CLYBL: variants seen among roughly 807,000 people sequenced by gnomAD.
CLYBL encodes the protein citramalyl-CoA lyase, also known as citramalyl-CoA lyase, mitochondrial.
Under a neutral mutation model 38.9 loss-of-function variants are expected in CLYBL, and 31 were observed. The observed-to-expected ratio is 0.80, with a 90% CI of 0.60 to 1.08. The LOEUF (loss-of-function observed/expected upper bound fraction) is 1.08. CLYBL is among the 50% of genes least tolerant of loss of function. The probability of loss-of-function intolerance (pLI) is 0.00; values close to 1 mark genes in which losing one functional copy is unlikely to be tolerated. For synonymous variants in CLYBL, 171 were observed against 158.6 expected (o/e 1.08, Z -0.59); for missense variants, 434 against 411.6 (o/e 1.05, Z -0.47).
chr13:99,754,087 CAAAAAAAAAAAAAA>C (rs71121003), intron 1 of CLYBL, among the ~76,000 whole-genome samples: 771 of 45,436 alleles, frequency 0.017, 17 homozygotes, highest in African/African-American at 0.06. Flanking sequence ...AACTCGGTCT[CAAAAAAAAAAAAAA>C]AAAAAAAAAA....
chr13:99,613,903 A>G (rs1461348911), intron 1 of CLYBL, among the ~76,000 whole-genome samples: 1 of 152,200 alleles, frequency 6.6e-6, no homozygotes, highest in Non-Finnish European at 1.5e-5. Flanking sequence ...TTGGATTGTG[A>G]GGCAGAAAGT....
intron 1 of CLYBL, among the ~76,000 whole-genome samples, chr13:99,747,562 C>T (rs560672994): frequency 3.1e-4 from 47 of 152,246 alleles, no homozygotes; most frequent in Non-Finnish European, 5.9e-4. Flanking sequence ...GGGAGACAAA[C>T]GGGGCTCTCT....
chr13:99,653,382 A>G (rs2047283193), intron 1 of CLYBL, among the ~76,000 whole-genome samples: 1 of 152,148 alleles, frequency 6.6e-6, no homozygotes, highest in Non-Finnish European at 1.5e-5. Context: ...GCCAAAAAAA[A>G]AAAAGTCCTG....
intron 2 of CLYBL, among the ~76,000 whole-genome samples, chr13:99,832,991 TATACATAC>T (rs71121014): frequency 8.7e-5 from 6 of 69,220 alleles, no homozygotes; most frequent in South Asian, 5.7e-4. Context: ...TTAAGTAGTA[TATACATAC>T]ATACATACAT....
chr13:99,868,694 A>G (rs2051812092), intron 6 of CLYBL, among the ~76,000 whole-genome samples: 1 of 152,190 alleles, frequency 6.6e-6, no homozygotes, highest in Non-Finnish European at 1.5e-5. Flanking sequence ...AAATCAATGC[A>G]TTGGCTGTAT....
intron 1 of CLYBL, among the ~76,000 whole-genome samples, chr13:99,743,895 C>T (rs1213399016): frequency 3.3e-5 from 5 of 150,178 alleles, no homozygotes; most frequent in East Asian, 2.0e-4. Context: ...AGCGGTATTG[C>T]GGGGACTCGG....
intron 1 of CLYBL, among the ~76,000 whole-genome samples, chr13:99,654,791 G>A (rs933957969): frequency 6.6e-6 from 1 of 152,136 alleles, no homozygotes; most frequent in African/African-American, 2.4e-5. Flanking sequence ...TGATCACGAG[G>A]TCAGGAGATC....
chr13:99,859,679 C>T (rs1011093526), intron 3 of CLYBL, among the ~76,000 whole-genome samples: 1 of 152,116 alleles, frequency 6.6e-6, no homozygotes, highest in Non-Finnish European at 1.5e-5. Context: ...CAATAAAAAC[C>T]TGAAATGTAA....
chr13:99,644,882 G>A (rs114354816), intron 1 of CLYBL, among the ~76,000 whole-genome samples: 26 of 152,274 alleles, frequency 1.7e-4, no homozygotes, highest in African/African-American at 6.3e-4. Flanking sequence ...GTACTTCATT[G>A]TGTATATGTA....
chr13:99,755,538 C>G (rs2049046783), intron 1 of CLYBL, among the ~76,000 whole-genome samples: 1 of 152,170 alleles, frequency 6.6e-6, no homozygotes, highest in South Asian at 2.1e-4. Context: ...TATGGGCGCC[C>G]TCACTCCTGG....
intron 2 of CLYBL, among the ~76,000 whole-genome samples, chr13:99,774,303 A>G (rs1333558474): frequency 3.9e-5 from 6 of 152,190 alleles, no homozygotes; most frequent in Non-Finnish European, 7.3e-5. Context: ...GCGTGACTGT[A>G]TAGTAGTTGC....
At chr13:99,843,248 G>T (rs954723400) in intron 2 of CLYBL, among the ~76,000 whole-genome samples, 4 of 152,198 alleles carry the variant, frequency 2.6e-5, no homozygotes, top group Non-Finnish European at 5.9e-5. Context: ...TCAGACAAAA[G>T]GACTCTAAGA....
Position 99,768,181 on chromosome 13 carries a change from C to CTTTTCT in CLYBL, c.63-4632_63-4627dup, listed in dbSNP as rs1314778589. Among the ~76,000 whole-genome samples, 14 of 108,972 alleles carry CTTTTCT rather than the reference C, an allele frequency of 1.3e-4. 1 individual carries two copies. The highest frequency in any genetic ancestry group is 9.2e-4 in the East Asian group (3 of 3,262). 71.5% of individuals were successfully genotyped at this position (108,972 alleles called of 152,430 possible). On this transcript the variant is annotated intron_variant, in intron 1 of 8. Coordinates refer to ENST00000339105, the MANE Select transcript of CLYBL (RefSeq NM_206808.5). The stretch of plus-strand genomic sequence containing the variant: ...GTATAAATGTAAGGTCTCCTCAAGT[C>CTTTTCT]TTTTCTTTTTCTTTTTTTTTTTTTT...
intron 2 of CLYBL, among the ~76,000 whole-genome samples, chr13:99,819,903 C>A (rs1272574438): frequency 2.0e-5 from 3 of 152,174 alleles, no homozygotes; most frequent in Non-Finnish European, 4.4e-5. Context: ...CACAGGTATA[C>A]CTAGGAATGT....
intron 3 of CLYBL, among the ~76,000 whole-genome samples, chr13:99,860,198 G>A (rs561449929): frequency 1.1e-4 from 16 of 152,268 alleles, no homozygotes; most frequent in African/African-American, 3.8e-4. Context: ...AAAAGAGAAT[G>A]TAAACTATCT....
chr13:99,686,773 A>G (rs866138271), intron 1 of CLYBL, among the ~76,000 whole-genome samples: 3 of 152,180 alleles, frequency 2.0e-5, no homozygotes, highest in African/African-American at 4.8e-5. Context: ...TCAACACAGC[A>G]TTGAACGAAT....
chr13:99,781,696 T>C (rs188395785), intron 2 of CLYBL, among the ~76,000 whole-genome samples: 1 of 152,244 alleles, frequency 6.6e-6, no homozygotes, highest in East Asian at 1.9e-4. Context: ...CAGGCTGATC[T>C]TGAACTCCTG....
chr13:99,763,755 A>G (rs969611090), intron 1 of CLYBL, among the ~76,000 whole-genome samples: 1 of 151,770 alleles, frequency 6.6e-6, no homozygotes, highest in Non-Finnish European at 1.5e-5. Context: ...GAGTTTCATC[A>G]TGTTGGCTAG....
intron 2 of CLYBL, among the ~76,000 whole-genome samples, chr13:99,832,710 A>AATT (rs1261967386): frequency 2.0e-5 from 3 of 151,994 alleles, no homozygotes; most frequent in Non-Finnish European, 4.4e-5. Context: ...TCACAGTTAG[A>AATT]ATTAGGAACT....
Sources: allele counts gnomAD v4.1 joint callset (sites outside exome capture counted in the v4.1 genomes callset), GRCh38; gene constraint gnomAD v4.1.1; transcripts MANE v1.5; gene names NCBI Gene and HGNC (gene_info 2026-07-23, HGNC 2026-07-21).